Variants in KCNJ6 observed in about 807,000 individuals in gnomAD.
KCNJ6 encodes G protein-activated inward rectifier potassium channel 2.
KCNJ6 carries 9 observed loss-of-function variants against 34.2 expected under a neutral mutation model. That is an observed-to-expected ratio of 0.26 (90% confidence interval 0.16 to 0.46). KCNJ6 has a LOEUF of 0.46. Ranked by LOEUF, KCNJ6 falls within the 20% of genes least tolerant of loss-of-function variation. KCNJ6 has a pLI of 1.00. For missense variants in KCNJ6, 236 were observed against 531.3 expected (o/e 0.44, Z 5.46); for synonymous variants, 196 against 207.1 (o/e 0.95, Z 0.46).
At chr21:37,887,258 C>T (rs2055740540) in intron 1 of KCNJ6, among the ~76,000 whole-genome samples, 1 of 152,176 alleles carries the variant, frequency 6.6e-6, no homozygotes, top group Non-Finnish European at 1.5e-5. Context: ...CCATACCTTA[C>T]CCCAGAGTTA....
intron 2 of KCNJ6, among the ~76,000 whole-genome samples, chr21:37,750,851 G>A (rs1414636112): frequency 6.6e-6 from 1 of 152,110 alleles, no homozygotes; most frequent in Non-Finnish European, 1.5e-5. Flanking sequence ...CATGTTCTGC[G>A]CAGGTATCCC....
At chr21:37,653,523 G>A (rs553653741) in intron 3 of KCNJ6, among the ~76,000 whole-genome samples, 1 of 152,314 alleles carries the variant, frequency 6.6e-6, no homozygotes, top group East Asian at 1.9e-4. Context: ...GACGTAGGGT[G>A]AATGATGATG....
At chr21:37,726,652 G>C (rs1472524247) in intron 2 of KCNJ6, among the ~76,000 whole-genome samples, 4 of 152,184 alleles carry the variant, frequency 2.6e-5, no homozygotes, top group Admixed American at 2.6e-4. Context: ...TATAAATTTT[G>C]ATTAATCTCT....
At chr21:37,817,179 GCT>G (rs981074003) in intron 2 of KCNJ6, among the ~76,000 whole-genome samples, 1 of 152,162 alleles carries the variant, frequency 6.6e-6, no homozygotes, top group African/African-American at 2.4e-5. Flanking sequence ...AACAAAAATG[GCT>G]CTTAGAATCA....
At chr21:37,697,387 T>C (rs2054668431) in intron 3 of KCNJ6, among the ~76,000 whole-genome samples, 1 of 152,002 alleles carries the variant, frequency 6.6e-6, no homozygotes, top group Admixed American at 6.5e-5. Context: ...CCATAGAAAG[T>C]GGGGTGGGAA....
intron 3 of KCNJ6, among the ~76,000 whole-genome samples, chr21:37,631,165 A>G (rs1048863883): frequency 1.3e-5 from 2 of 152,164 alleles, no homozygotes; most frequent in African/African-American, 4.8e-5. Context: ...GTGCTTCAAC[A>G]TTGGAGGTTC....
chr21:37,859,993 G>A (rs907917291), intron 1 of KCNJ6, among the ~76,000 whole-genome samples: 1 of 151,970 alleles, frequency 6.6e-6, no homozygotes. Context: ...CTTGCATCAT[G>A]ACTCCTTGTG....
intron 3 of KCNJ6, among the ~76,000 whole-genome samples, chr21:37,668,799 T>C (rs1346754209): frequency 6.6e-6 from 1 of 152,192 alleles, no homozygotes. Context: ...AATTATATAC[T>C]GACTCTAGTA....
intron 3 of KCNJ6, among the ~76,000 whole-genome samples, chr21:37,639,878 T>C (rs1047067159): frequency 1.3e-5 from 2 of 152,194 alleles, no homozygotes; most frequent in African/African-American, 2.4e-5. Context: ...GCTCCAGCCA[T>C]GTAAGACATA....
At chr21:37,660,426 G>T (rs1199569419) in intron 3 of KCNJ6, among the ~76,000 whole-genome samples, 1 of 152,226 alleles carries the variant, frequency 6.6e-6, no homozygotes, top group Non-Finnish European at 1.5e-5. Flanking sequence ...GGAAGCACTG[G>T]TCGTGGGGTG....
intron 3 of KCNJ6, among the ~76,000 whole-genome samples, chr21:37,630,134 C>G (rs77020302): frequency 2.7e-4 from 39 of 144,250 alleles, no homozygotes; most frequent in African/African-American, 5.4e-4. Flanking sequence ...GATGACATCT[C>G]TGTGTGTGTG....
At position 37,650,844 on chromosome 21, in the gene KCNJ6, C is replaced by T. The variant is rs1297293422; in HGVS notation, c.947-25360G>A. On this transcript the variant is annotated intron_variant, in intron 3 of 3. Transcript: ENST00000609713. ...TGTACATCCACCCTCATCTCCTAAT[C>T]AGATAATCTCAATGAGATTTGTATC... Among the ~76,000 whole-genome samples the T allele has an allele frequency of 2.6e-5, 4 of 152,330 alleles. No individual in the cohort carries two copies. In the East Asian group the frequency reaches 7.7e-4, roughly 29 times the overall value.
intron 3 of KCNJ6, among the ~76,000 whole-genome samples, chr21:37,678,712 A>G (rs2054577934): frequency 1.3e-5 from 2 of 152,180 alleles, no homozygotes; most frequent in Non-Finnish European, 2.9e-5. Context: ...AGATGGGTGG[A>G]TAAATAAATA....
chr21:37,722,602 C>A (rs1245315302), intron 2 of KCNJ6, among the ~76,000 whole-genome samples: 1 of 152,064 alleles, frequency 6.6e-6, no homozygotes, highest in Non-Finnish European at 1.5e-5. Flanking sequence ...TAGACCAATG[C>A]AACAGAACAG....
At position 37,607,761 on chromosome 21, in the gene KCNJ6, G is replaced by T. The variant is rs557778691; in HGVS notation, c.*17398C>A. On this transcript the variant is annotated 3_prime_UTR_variant, in exon 4 of 4. Transcript: ENST00000609713. ...ATTCCAAAGAAATCTTAGAAGCCTT[G>T]GTAGCAACTTTTGAAAGAAGCATTT... 104 of 152,140 alleles carry T rather than the reference G, an allele frequency of 6.8e-4. No homozygotes were observed. The highest frequency in any genetic ancestry group is 2.4e-3 in the African/African-American group (101 of 41,490). The allele number at this position is 152,140 out of a possible 1,614,324, so 9.4% of individuals were successfully genotyped here.
intron 2 of KCNJ6, among the ~76,000 whole-genome samples, chr21:37,833,370 C>T (rs755098449): frequency 1.3e-5 from 2 of 152,194 alleles, no homozygotes; most frequent in Non-Finnish European, 2.9e-5. Flanking sequence ...GGTGACCATA[C>T]ATCCTCCTTC....
At chr21:37,723,924 A>G (rs2123461019) in intron 2 of KCNJ6, among the ~76,000 whole-genome samples, 1 of 151,460 alleles carries the variant, frequency 6.6e-6, no homozygotes, top group African/African-American at 2.4e-5. Context: ...ATTGACTGAT[A>G]GAAAACAAAT....
chr21:37,661,614 G>GTTCTTTTT (rs766622814), intron 3 of KCNJ6, among the ~76,000 whole-genome samples: 951 of 71,198 alleles, frequency 0.013, 234 homozygotes, highest in African/African-American at 0.042. Context: ...AAGAGACATA[G>GTTCTTTTT]TTTTTTTTTT....
At chr21:37,886,516 A>C (rs1341949696) in intron 1 of KCNJ6, among the ~76,000 whole-genome samples, 6 of 152,210 alleles carry the variant, frequency 3.9e-5, no homozygotes, top group African/African-American at 1.4e-4. Flanking sequence ...ACCTGTCCCA[A>C]TTTCAAATCA....
Sources: gnomAD v4.1 joint callset for allele counts (sites outside exome capture counted in the v4.1 genomes callset) on GRCh38, gnomAD v4.1.1 for gene constraint, MANE v1.5 for transcripts, NCBI Gene and HGNC (gene_info 2026-07-23, HGNC 2026-07-21) for gene names.